The following LDLRAP1 variants were observed in gnomAD, a reference collection of about 807,000 sequenced individuals.
LDLRAP1 encodes low density lipoprotein receptor adapter protein 1.
LDLRAP1 carries 30 observed loss-of-function variants against 37.8 expected under a neutral mutation model. The observed-to-expected ratio is 0.79, with a 90% confidence interval of 0.59 to 1.08. The LOEUF is 1.08. LDLRAP1 is among the 50% of genes least tolerant of loss of function. LDLRAP1 has a pLI of 0.00. For missense variants in LDLRAP1, 375 were observed against 401.6 expected (o/e 0.93, Z 0.57); for synonymous variants, 156 against 169.8 (o/e 0.92, Z 0.63).
chr1:25,566,983 C>A lies in LDLRAP1; in HGVS notation c.918C>A (p.Phe306Leu), dbSNP rs745460938. Residue 306 changes from phenylalanine (F) to leucine (L), a missense_variant, in exon 9 of 9, where the codon TTC becomes TTA. Phe to Leu is a conservative substitution (Grantham distance 22). Coordinates refer to ENST00000374338, the MANE Select transcript of LDLRAP1 (RefSeq NM_015627.3). ...DSSGTEQDDLFSF is the reference protein window; with the variant it reads ...DSSGTEQDDLLSF ...GCGGCACAGAGCAGGATGACCTCTT[C>A]AGCTTCTGAGGGCCCGGGGCCAGCC... 1 of 1,613,390 alleles carries A rather than the reference C, an allele frequency of 6.2e-7. No individual in the cohort carries two copies. The highest frequency in any genetic ancestry group is 1.3e-5 in the African/African-American group (1 of 75,056).
rs1262910501 is a variant in LDLRAP1 at position 25,546,241 on chromosome 1, A to G, written c.88+2455A>G. Among the ~76,000 whole-genome samples the G allele has an allele frequency of 2.6e-5, 4 of 152,136 alleles. No homozygotes were observed. The East Asian group carries it at 7.7e-4, about 29-fold the overall frequency. Reference sequence around the variant, plus strand: ...CCCTGTGGTTGAGTTTTGAGGCCAAACTGAAGCCAGTGGAGTTAAAGTTAG... The same window carrying G: ...CCCTGTGGTTGAGTTTTGAGGCCAAGCTGAAGCCAGTGGAGTTAAAGTTAG... On this transcript the variant is annotated intron_variant, in intron 1 of 8. Transcript: ENST00000374338.
intron 5 of LDLRAP1, 172 bp from the exon 6 acceptor site, chr1:25,562,898 C>G: frequency 1.2e-6 from 1 of 817,780 alleles, no homozygotes; most frequent in Non-Finnish European, 2.1e-6. Flanking sequence ...CCGTCTCCCT[C>G]CCCAAAGGTG....
At chr1:25,582,194 G>A in the LDLRAP1 span, among the ~76,000 whole-genome samples, 11 of 152,220 alleles carry the variant, frequency 7.2e-5, no homozygotes, top group Admixed American at 2.6e-4. Context: ...CATTGACTGA[G>A]TTGGTACGTC....
intron 1 of LDLRAP1, 48 bp downstream of exon 1, chr1:25,543,834 G>T: frequency 6.1e-6 from 7 of 1,149,848 alleles, no homozygotes; most frequent in Admixed American, 4.5e-5. Flanking sequence ...GGGCAGAGGC[G>T]CGCGGGGCCT....
rs1289393913 is a variant in LDLRAP1 at position 25,555,454 on chromosome 1, C to CTA, written c.344+484_344+485dup. On this transcript the variant is annotated intron_variant, in intron 3 of 8. Coordinates refer to ENST00000374338, the MANE Select transcript of LDLRAP1 (RefSeq NM_015627.3). The surrounding 1 kb of genome is among the most constrained non-coding windows in gnomAD (Gnocchi z 4.7). ...TCTGGTCAGCCCTTAGAGCCTCAGA[C>CTA]TATCCCCACCTCTCTCGGCTGGTCA... Among the ~76,000 whole-genome samples, 2 of 152,180 alleles carry CTA rather than the reference C, an allele frequency of 1.3e-5. No homozygotes were observed. The highest frequency in any genetic ancestry group is 4.8e-5 in the African/African-American group (2 of 41,420).
At chr1:25,584,483 G>A in the LDLRAP1 span, among the ~76,000 whole-genome samples, 7,765 of 152,212 alleles carry the variant, frequency 0.051, 651 homozygotes, top group African/African-American at 0.17. Flanking sequence ...CAGGGACAGA[G>A]CAAGTTGGCC....
intron 1 of LDLRAP1, among the ~76,000 whole-genome samples, chr1:25,552,794 G>A (rs2044103403): frequency 6.6e-6 from 1 of 152,132 alleles, no homozygotes; most frequent in African/African-American, 2.4e-5. Flanking sequence ...CTTTCCACGT[G>A]TCCCTCCTGG....
intron 4 of LDLRAP1, 31 bp from the exon 5 acceptor site, chr1:25,562,613 A>G: frequency 6.3e-7 from 1 of 1,599,762 alleles, no homozygotes; most frequent in Non-Finnish European, 8.6e-7. Flanking sequence ...CTGACACTGC[A>G]CCCCTCCCCA....
intron 6 of LDLRAP1, 37 bp from the exon 7 acceptor site, chr1:25,563,624 T>C: frequency 1.2e-6 from 2 of 1,611,470 alleles, no homozygotes; most frequent in South Asian, 1.1e-5. Context: ...AGGAAGAGGC[T>C]GATCTCCCAC....
the LDLRAP1 span, among the ~76,000 whole-genome samples, chr1:25,574,732 AGT>A: frequency 2.5e-4 from 38 of 152,124 alleles, no homozygotes; most frequent in Admixed American, 5.2e-4. Flanking sequence ...GGTGTGCATG[AGT>A]GAGCCTGTGT....
intron 1 of LDLRAP1, chr1:25,553,594 G>A (rs1272327424): frequency 2.4e-5 from 9 of 375,262 alleles, no homozygotes; most frequent in Admixed American, 3.9e-5. Context: ...GCTCATGCCT[G>A]TAATCCCAGC....
intron 3 of LDLRAP1, among the ~76,000 whole-genome samples, chr1:25,556,515 C>T (rs1009858791): frequency 1.3e-5 from 2 of 152,200 alleles, no homozygotes; most frequent in Non-Finnish European, 2.9e-5. Context: ...GTGTCCCAGT[C>T]ACCCTGAGAG....
chr1:25,547,673 T>G (rs1054371631), intron 1 of LDLRAP1, among the ~76,000 whole-genome samples: 11 of 152,034 alleles, frequency 7.2e-5, no homozygotes, highest in Admixed American at 5.9e-4. Context: ...CGGGAGATCT[T>G]CATTCCCCAG....
chr1:25,573,718 C>G (rs747989587), downstream of LDLRAP1, among the ~76,000 whole-genome samples: 2 of 152,214 alleles, frequency 1.3e-5, no homozygotes, highest in African/African-American at 2.4e-5. Context: ...ATCCTTAGGA[C>G]AGCCATGTGA....
chr1:25,544,051 A>G lies in LDLRAP1; in HGVS notation c.88+265A>G, dbSNP rs2043870828. Among the ~76,000 whole-genome samples, 1 of 152,088 alleles carries G rather than the reference A, an allele frequency of 6.6e-6. No homozygotes were observed. The highest frequency in any genetic ancestry group is 6.5e-5 in the Admixed American group (1 of 15,282). ...CTCGGGGTCCTCAGGTGCAGCCGGCATGGGGTGGGGTGCAGGTTGGGAGAA... is the reference window on the plus strand; with the variant it reads ...CTCGGGGTCCTCAGGTGCAGCCGGCGTGGGGTGGGGTGCAGGTTGGGAGAA... On this transcript the variant is annotated intron_variant, in intron 1 of 8. Transcript: ENST00000374338. The surrounding 1 kb of genome is among the most constrained non-coding windows in gnomAD (Gnocchi z 4.8).
At position 25,567,018 on chromosome 1, in the gene LDLRAP1, C is replaced by T. The variant is rs538161464; in HGVS notation, c.*26C>T. On this transcript the variant is annotated 3_prime_UTR_variant, in exon 9 of 9. Coordinates refer to ENST00000374338, the MANE Select transcript of LDLRAP1 (RefSeq NM_015627.3). ...GGGCCCGGGGCCAGCCGGACACAAG[C>T]GGCCCTGACACGTGATGGACCAAAG... 2.5e-5 allele frequency: 40 copies of T among 1,612,784 alleles called. No homozygotes were observed. In the East Asian group the frequency reaches 7.6e-4, roughly 31 times the overall value.
chr1:25,579,294 G>A, the LDLRAP1 span, among the ~76,000 whole-genome samples: 3 of 152,146 alleles, frequency 2.0e-5, no homozygotes, highest in Non-Finnish European at 4.4e-5. Flanking sequence ...TCTGCACCAG[G>A]ATCCACCTCC....
At chr1:25,565,593 G>C (rs2044458377) in intron 8 of LDLRAP1, among the ~76,000 whole-genome samples, 1 of 151,508 alleles carries the variant, frequency 6.6e-6, no homozygotes, top group Non-Finnish European at 1.5e-5. Context: ...CTGTGTTTAT[G>C]AACAGGGGAA....
At chr1:25,583,341 C>G in the LDLRAP1 span, among the ~76,000 whole-genome samples, 1 of 151,724 alleles carries the variant, frequency 6.6e-6, no homozygotes, top group African/African-American at 2.4e-5. Context: ...AGGAGCCTGC[C>G]ACCATGCCTG....
Sources: allele counts gnomAD v4.1 joint callset (sites outside exome capture counted in the v4.1 genomes callset), GRCh38; gene constraint gnomAD v4.1.1; non-coding constraint Gnocchi (gnomAD v3.1); transcripts MANE v1.5; gene names NCBI Gene and HGNC (gene_info 2026-07-23, HGNC 2026-07-21).